Variants in DLG2 observed in about 807,000 individuals in gnomAD.
The protein encoded by DLG2 is disks large homolog 2.
Under a neutral mutation model 132.5 loss-of-function variants are expected in DLG2, and 45 were observed. The ratio of observed to expected loss-of-function variants is 0.34; its 90% CI spans 0.27 to 0.44. DLG2 has a LOEUF of 0.44. DLG2 is among the 20% of genes least tolerant of loss of function. The probability of loss-of-function intolerance (pLI) is 1.00; values close to 1 mark genes in which losing one functional copy is unlikely to be tolerated. For missense variants in DLG2, 1,045 were observed against 1,196.9 expected (o/e 0.87, Z 1.87); for synonymous variants, 424 against 419.6 (o/e 1.01, Z -0.13).
chr11:84,664,456 G>C (rs79569457), intron 6 of DLG2, among the ~76,000 whole-genome samples: 1 of 152,104 alleles, frequency 6.6e-6, no homozygotes, highest in Non-Finnish European at 1.5e-5. Context: ...AATGTTTATA[G>C]TGCTTTGAAA....
At chr11:85,038,388 C>T (rs949309711) in intron 6 of DLG2, among the ~76,000 whole-genome samples, 3 of 151,960 alleles carry the variant, frequency 2.0e-5, no homozygotes, top group Non-Finnish European at 2.9e-5. Context: ...GCTGACAATT[C>T]ATCTCTGAAC....
intron 6 of DLG2, among the ~76,000 whole-genome samples, chr11:84,614,774 T>C (rs896452328): frequency 2.6e-5 from 4 of 152,196 alleles, no homozygotes; most frequent in African/African-American, 7.2e-5. Context: ...TGAAGAATGC[T>C]ATATAACACA....
At chr11:83,480,685 C>T (rs1342145235) in intron 22 of DLG2, 21 of 1,475,716 alleles carry the variant, frequency 1.4e-5, no homozygotes, top group Non-Finnish European at 1.8e-5. Context: ...TCAATTTAGG[C>T]GATTAGAAAA....
intron 11 of DLG2, among the ~76,000 whole-genome samples, chr11:84,048,390 C>T (rs1320097649): frequency 2.0e-5 from 3 of 151,512 alleles, no homozygotes; most frequent in African/African-American, 7.3e-5. Context: ...AAAATTAGCA[C>T]TAAAAGGAAA....
At chr11:84,659,000 A>G (rs1332432410) in intron 6 of DLG2, among the ~76,000 whole-genome samples, 1 of 152,150 alleles carries the variant, frequency 6.6e-6, no homozygotes, top group Admixed American at 6.6e-5. Flanking sequence ...TGGCGCCTTG[A>G]TCTTGGAATT....
intron 3 of DLG2, among the ~76,000 whole-genome samples, chr11:85,340,459 G>A (rs1446179740): frequency 6.6e-6 from 1 of 151,966 alleles, no homozygotes; most frequent in Non-Finnish European, 1.5e-5. Flanking sequence ...TGGACACAGG[G>A]CAGGGAACAT....
intron 6 of DLG2, among the ~76,000 whole-genome samples, chr11:84,581,834 G>C (rs1184239998): frequency 1.3e-5 from 2 of 150,484 alleles, no homozygotes; most frequent in Non-Finnish European, 3.0e-5. Flanking sequence ...TTGAACCCGG[G>C]AGGCGGAGGT....
intron 6 of DLG2, among the ~76,000 whole-genome samples, chr11:84,820,303 A>G (rs1445433157): frequency 6.6e-6 from 1 of 151,830 alleles, no homozygotes; most frequent in Non-Finnish European, 1.5e-5. Flanking sequence ...CTTACTTCAC[A>G]ATGACCCTTA....
At chr11:84,159,571 G>A (rs948884357) in intron 9 of DLG2, among the ~76,000 whole-genome samples, 3 of 152,162 alleles carry the variant, frequency 2.0e-5, no homozygotes, top group African/African-American at 4.8e-5. Flanking sequence ...AGAGTTGGTG[G>A]TGAGCACATA....
At chr11:84,815,058 G>A (rs887263467) in intron 6 of DLG2, among the ~76,000 whole-genome samples, 8 of 152,028 alleles carry the variant, frequency 5.3e-5, no homozygotes, top group East Asian at 1.9e-4. Context: ...CAGAGGCAAA[G>A]GTGGAGAGCA....
At chr11:84,183,060 T>C (rs1596864329) in intron 8 of DLG2, among the ~76,000 whole-genome samples, 2 of 152,268 alleles carry the variant, frequency 1.3e-5, no homozygotes, top group East Asian at 3.9e-4. Context: ...ACCATGTGAA[T>C]AGGCTTATAT....
At chr11:83,544,067 A>G (rs2096167537) in intron 19 of DLG2, among the ~76,000 whole-genome samples, 1 of 152,182 alleles carries the variant, frequency 6.6e-6, no homozygotes, top group African/African-American at 2.4e-5. Flanking sequence ...TTGAGTCTCT[A>G]ATAAGATTCC....
intron 2 of DLG2, among the ~76,000 whole-genome samples, chr11:85,620,683 A>G (rs1189459954): frequency 6.6e-6 from 1 of 152,248 alleles, no homozygotes; most frequent in East Asian, 1.9e-4. Flanking sequence ...CCAAAGTCTA[A>G]TCCAGAGCAA....
chr11:84,733,991 G>A (rs1371673251), intron 6 of DLG2, among the ~76,000 whole-genome samples: 7 of 152,100 alleles, frequency 4.6e-5, no homozygotes, highest in African/African-American at 1.2e-4. Context: ...TGTTCCATTG[G>A]CCTATATCTC....
chr11:85,244,221 A>C (rs918707821), intron 4 of DLG2, among the ~76,000 whole-genome samples: 4 of 151,958 alleles, frequency 2.6e-5, no homozygotes, highest in Non-Finnish European at 5.9e-5. Flanking sequence ...CTTTTCTTTT[A>C]GATGTCAACT....
At chr11:83,925,237 C>T (rs2078744911) in intron 15 of DLG2, among the ~76,000 whole-genome samples, 1 of 152,038 alleles carries the variant, frequency 6.6e-6, no homozygotes, top group Admixed American at 6.6e-5. Flanking sequence ...AAAGCAGATG[C>T]CTAGCTGTAG....
At chr11:83,884,669 C>A (rs918988706) in intron 15 of DLG2, among the ~76,000 whole-genome samples, 1 of 152,220 alleles carries the variant, frequency 6.6e-6, no homozygotes, top group Non-Finnish European at 1.5e-5. Context: ...CCCCTGACTA[C>A]CAAGCAGCCT....
At chr11:85,467,999 G>C (rs936696702) in intron 3 of DLG2, among the ~76,000 whole-genome samples, 1 of 152,160 alleles carries the variant, frequency 6.6e-6, no homozygotes, top group South Asian at 2.1e-4. Context: ...CCTGTTATTG[G>C]TCTATTCAGA....
intron 6 of DLG2, among the ~76,000 whole-genome samples, chr11:84,551,096 G>A (rs1369768730): frequency 6.6e-6 from 1 of 152,096 alleles, no homozygotes; most frequent in African/African-American, 2.4e-5. Flanking sequence ...TGGAACATGG[G>A]AAAGTTGAAA....
Sources: allele counts gnomAD v4.1 joint callset (sites outside exome capture counted in the v4.1 genomes callset), GRCh38; gene constraint gnomAD v4.1.1; transcripts MANE v1.5; gene names NCBI Gene and HGNC (gene_info 2026-07-23, HGNC 2026-07-21).